SAMD7: variants seen among roughly 807,000 people sequenced by gnomAD.
The protein encoded by SAMD7 is sterile alpha motif domain-containing protein 7.
Under a neutral mutation model 36.7 loss-of-function variants are expected in SAMD7, and 34 were observed. That is an observed-to-expected ratio of 0.93 (90% CI 0.71 to 1.23). The LOEUF (loss-of-function observed/expected upper bound fraction) is 1.23. Among genes scored for constraint, SAMD7 ranks in the 50% most tolerant of loss-of-function variants. The pLI, the probability that SAMD7 is intolerant of heterozygous loss-of-function variation, is 0.00. For synonymous variants in SAMD7, 188 were observed against 189.7 expected, an observed-to-expected ratio of 0.99 and a Z score of 0.07; for missense variants, 570 against 546.6, an observed-to-expected ratio of 1.04 and a Z score of -0.43.
At chr3:169,930,520 G>A (rs964208753) in intron 7 of SAMD7, among the ~76,000 whole-genome samples, 4 of 151,390 alleles carry the variant, frequency 2.6e-5, no homozygotes, top group African/African-American at 7.3e-5. Flanking sequence ...TCACAAGGAC[G>A]CTTGTCTAAA....
chr3:169,926,338 A>G, intron 5 of SAMD7: 1 of 1,334,176 alleles, frequency 7.5e-7, no homozygotes, highest in Non-Finnish European at 9.9e-7. Flanking sequence ...AACACTCTAA[A>G]GACTGGCCTT....
At chr3:169,932,646 G>C in intron 7 of SAMD7, 1 of 547,692 alleles carries the variant, frequency 1.8e-6, no homozygotes, top group Non-Finnish European at 3.6e-6. Context: ...TGTGCCGATG[G>C]AGACACAATG....
Position 169,926,834 on chromosome 3 carries a change from A to G in SAMD7, c.572A>G (p.Gln191Arg), listed in dbSNP as rs1045017316. Residue 191 changes from glutamine to arginine, a missense_variant, in exon 6 of 9, where the codon CAA becomes CGA. Transcript: ENST00000335556. Reference protein sequence around the residue: ...CRRLRKNTGNQKALDSDAESS... With the variant: ...CRRLRKNTGNRKALDSDAESS... ...CGACTCAGGAAAAATACAGGGAATC[A>G]AAAAGCTCTAGACAGTGATGCTGAG... The G allele has an allele frequency of 1.2e-6, 2 of 1,613,944 alleles. No individual in the cohort carries two copies. Among genetic ancestry groups the G allele is most frequent in the Admixed American group, 3.3e-5 (2 of 59,982 alleles).
intron 6 of SAMD7, 32 bp downstream of exon 6, chr3:169,927,213 A>G: frequency 6.7e-7 from 1 of 1,499,848 alleles, no homozygotes; most frequent in Non-Finnish European, 8.9e-7. Flanking sequence ...GCAGATCCTC[A>G]TTAACTACAG....
In SAMD7 at chr3:169,912,424, C is replaced by T. The variant is rs151191662; in HGVS notation, c.-117+603C>T. Among the ~76,000 whole-genome samples the T allele has an allele frequency of 4.7e-3, 715 of 152,286 alleles. 6 individuals carry two copies. Among genetic ancestry groups the T allele is most frequent in the African/African-American group, 0.016 (657 of 41,554 alleles). On this transcript the variant is annotated intron_variant, in intron 1 of 8. Transcript: ENST00000335556. ...ATTCAGTTCCATTATATGAGTACTG[C>T]TAGAATTTCACTTTAGTCTCTACAG...
intron 8 of SAMD7, 148 bp from the exon 9 acceptor site, chr3:169,938,170 C>T: frequency 1.7e-6 from 1 of 596,140 alleles, no homozygotes; most frequent in Non-Finnish European, 3.0e-6. Context: ...AAAAGCCCAC[C>T]ACATCCTACA....
At chr3:169,928,898 G>A (rs1713378779) in intron 7 of SAMD7, among the ~76,000 whole-genome samples, 1 of 152,138 alleles carries the variant, frequency 6.6e-6, no homozygotes, top group South Asian at 2.1e-4. Context: ...GGGAAATAAC[G>A]ACTACATTCC....
intron 2 of SAMD7, among the ~76,000 whole-genome samples, chr3:169,917,621 G>GTTTATTTATTTA (rs1294880130): frequency 1.0e-5 from 1 of 97,124 alleles, no homozygotes; most frequent in Non-Finnish European, 2.1e-5. Flanking sequence ...ATTTTTATTT[G>GTTTATTTATTTA]TTTGTTTATT....
At chr3:169,920,610 C>T (rs1713003527) in intron 3 of SAMD7, among the ~76,000 whole-genome samples, 1 of 152,128 alleles carries the variant, frequency 6.6e-6, no homozygotes, top group African/African-American at 2.4e-5. Flanking sequence ...TATTTCTTTT[C>T]AATAAAAAGT....
chr3:169,926,344 G>A (rs1713254921), intron 5 of SAMD7: 4 of 1,290,166 alleles, frequency 3.1e-6, no homozygotes, highest in Non-Finnish European at 4.1e-6. Flanking sequence ...CTAAAGACTG[G>A]CCTTTGGACT....
At chr3:169,915,570 ATAATTTTT>A (rs1191397494) in intron 2 of SAMD7, 129 bp downstream of exon 2, 1 of 130,414 alleles carries the variant, frequency 7.7e-6, no homozygotes, top group Non-Finnish European at 1.6e-5. Context: ...CCATATATAT[ATAATTTTT>A]TTTTTTTTTT....
At chr3:169,935,175 A>C (rs1393083091) in intron 7 of SAMD7, among the ~76,000 whole-genome samples, 1 of 152,216 alleles carries the variant, frequency 6.6e-6, no homozygotes, top group Non-Finnish European at 1.5e-5. Flanking sequence ...TCTAGCTGTG[A>C]AGGGAGTGAG....
rs1713036561 is a variant in SAMD7 at position 169,921,347 on chromosome 3, A to G, written c.211+9A>G. 1 of 1,612,318 alleles carries G rather than the reference A, an allele frequency of 6.2e-7. No homozygotes were observed. The highest frequency in any genetic ancestry group is 8.5e-7 in the Non-Finnish European group (1 of 1,178,506). On this transcript the variant is annotated intron_variant, in intron 4 of 8. Transcript: ENST00000335556. ...CAGTCGGATCTACCCAGGTATGAGC[A>G]ATAGAAGTTTGGCTCTCATCTGTGG... is the stretch of plus-strand genomic sequence containing the variant.
chr3:169,938,232 C>T, intron 8 of SAMD7, 86 bp from the exon 9 acceptor site: 1 of 845,228 alleles, frequency 1.2e-6, no homozygotes, highest in South Asian at 1.7e-5. Context: ...CTGAAATTAC[C>T]TCAGCCTCTC....
In SAMD7 at chr3:169,919,540, A is replaced by C. The variant is rs753977734; in HGVS notation, c.42A>C (p.Thr14=). ...NPLLTPTGQQ[T]IPLIPSPFGP... is the part of the protein sequence containing the mutation. ...TATTGACACCAACAGGGCAGCAGAC[A>C]ATCCCACTGATCCCCTCACCATTTG... is the stretch of plus-strand genomic sequence containing the variant. Residue 14 remains threonine (T), a synonymous_variant, in exon 3 of 9, where the codon ACA becomes ACC. Transcript: ENST00000335556. 2 of 1,614,190 alleles carry C rather than the reference A, an allele frequency of 1.2e-6. No homozygotes were observed. The highest frequency in any genetic ancestry group is 3.3e-5 in the Admixed American group (2 of 60,026).
chr3:169,927,217 A>G lies in SAMD7; in HGVS notation c.919+36A>G, dbSNP rs776610019. 5 of 1,496,180 alleles carry G rather than the reference A, an allele frequency of 3.3e-6. No homozygotes were observed. In the African/African-American group the frequency reaches 7.0e-5, roughly 21 times the overall value. 92.7% of individuals were successfully genotyped at this position (1,496,180 alleles called of 1,614,324 possible). ...AGGGGCCAATGGCAGATCCTCATTA[A>G]CTACAGGTTGCCAAGTCCGTAGGTT... On this transcript the variant is annotated intron_variant, in intron 6 of 8. Transcript: ENST00000335556.
chr3:169,921,948 G>C lies in SAMD7; in HGVS notation c.211+610G>C, dbSNP rs115879801. Among the ~76,000 whole-genome samples, 893 of 152,262 alleles carry C rather than the reference G, an allele frequency of 5.9e-3. 7 individuals are homozygous for C. The highest frequency in any genetic ancestry group is 0.021 in the African/African-American group (854 of 41,524). On this transcript the variant is annotated intron_variant, in intron 4 of 8. Coordinates refer to ENST00000335556, the MANE Select transcript of SAMD7 (RefSeq NM_001304366.2). ...AAATCCTGTAATTATTTTGATTGTA[G>C]AAACAACAGGATTTTCTCACAGTGT...
At chr3:169,928,605 A>G in intron 7 of SAMD7, 27 bp downstream of exon 7, 2 of 1,606,368 alleles carry the variant, frequency 1.2e-6, no homozygotes, top group Non-Finnish European at 1.7e-6. Flanking sequence ...GTATTTCCAT[A>G]CAAGAAAAAC....
At chr3:169,918,737 A>T (rs1712919424) in intron 2 of SAMD7, among the ~76,000 whole-genome samples, 1 of 152,090 alleles carries the variant, frequency 6.6e-6, no homozygotes, top group African/African-American at 2.4e-5. Context: ...CTCCTCCCTC[A>T]TTTTCTGGTG....
Sources: allele counts gnomAD v4.1 joint callset (sites outside exome capture counted in the v4.1 genomes callset), GRCh38; gene constraint gnomAD v4.1.1; transcripts MANE v1.5; gene names NCBI Gene and HGNC (gene_info 2026-07-23, HGNC 2026-07-21).